Variants in GRAP2 observed in about 807,000 individuals in gnomAD.
GRAP2 encodes the protein GRB2 related adaptor protein 2, also known as GRB2-related adapter protein 2.
A neutral mutation model predicts 43.5 loss-of-function variants in GRAP2; 31 were observed. The ratio of observed to expected loss-of-function variants is 0.71; its 90% CI spans 0.54 to 0.96. The LOEUF (loss-of-function observed/expected upper bound fraction) is 0.96. Among genes scored for constraint, GRAP2 ranks in the 40% least tolerant of loss-of-function variants. The probability of loss-of-function intolerance (pLI) is 0.00; values close to 1 mark genes in which losing one functional copy is unlikely to be tolerated. For missense variants in GRAP2, 371 were observed against 424.4 expected, an observed-to-expected ratio of 0.87 and a Z score of 1.11; for synonymous variants, 156 against 164.8, an observed-to-expected ratio of 0.95 and a Z score of 0.41.
intron 1 of GRAP2, among the ~76,000 whole-genome samples, chr22:39,946,601 C>T (rs2066924704): frequency 6.6e-6 from 1 of 152,210 alleles, no homozygotes; most frequent in African/African-American, 2.4e-5. Flanking sequence ...CTGGCCAATG[C>T]TGTCTAATTC....
intron 3 of GRAP2, among the ~76,000 whole-genome samples, chr22:39,959,065 T>TATG (rs2067088552): frequency 6.6e-6 from 1 of 152,226 alleles, no homozygotes; most frequent in Admixed American, 6.5e-5. Flanking sequence ...GGAACATGCG[T>TATG]ATGAGCCTTC....
At chr22:39,969,849 G>A (rs1254522325) in intron 7 of GRAP2, among the ~76,000 whole-genome samples, 1 of 152,184 alleles carries the variant, frequency 6.6e-6, no homozygotes, top group African/African-American at 2.4e-5. Flanking sequence ...AGGAGGCAGA[G>A]GTTGCAGTGA....
intron 2 of GRAP2, among the ~76,000 whole-genome samples, chr22:39,951,045 G>T (rs746297901): frequency 1.3e-5 from 2 of 152,222 alleles, no homozygotes; most frequent in African/African-American, 2.4e-5. Flanking sequence ...CAGACCATCA[G>T]TTTCCTGGGG....
At position 39,968,220 on chromosome 22, in the gene GRAP2, A is replaced by G. The variant is rs751579805; in HGVS notation, c.638A>G (p.Gln213Arg). Residue 213 changes from glutamine (Q) to arginine (R), a missense_variant, in exon 6 of 8, where the codon CAG becomes CGG. Gln to Arg is a conservative substitution (Grantham distance 43, BLOSUM62 1). Coordinates refer to ENST00000344138, the MANE Select transcript of GRAP2 (RefSeq NM_004810.4). ...CCGCAATATGCCCCAGCGCCCCAGCAGCTGCAGCAGCCCCCACAGCAGCGA... is the reference window on the plus strand; with the variant it reads ...CCGCAATATGCCCCAGCGCCCCAGCGGCTGCAGCAGCCCCCACAGCAGCGA... ...QPPQYAPAPQQLQQPPQQRYL... is the reference protein window; with the variant it reads ...QPPQYAPAPQRLQQPPQQRYL... 1 of 1,601,460 alleles carries G rather than the reference A, an allele frequency of 6.2e-7. No homozygotes were observed. Among genetic ancestry groups the G allele is most frequent in the Non-Finnish European group, 8.6e-7 (1 of 1,168,684 alleles).
At chr22:39,957,908 C>G (rs2067074992) in intron 3 of GRAP2, among the ~76,000 whole-genome samples, 1 of 151,906 alleles carries the variant, frequency 6.6e-6, no homozygotes, top group Non-Finnish European at 1.5e-5. Context: ...TGCACTCCAG[C>G]CTGGGCAGCA....
Position 39,973,716 on chromosome 22 carries a change from G to A in GRAP2, c.*2632G>A, listed in dbSNP as rs1259095454. ...CCCCTCAGCCTCTGGTGCTGCCAGG[G>A]GGAGCCCCTCCGCATGTGTCCCCAC... On this transcript the variant is annotated 3_prime_UTR_variant, in exon 8 of 8. Transcript: ENST00000344138. The A allele has an allele frequency of 1.3e-5, 2 of 152,258 alleles. No individual in the cohort carries two copies. The highest frequency in any genetic ancestry group is 2.4e-5 in the African/African-American group (1 of 41,438). The allele number at this position is 152,258 out of a possible 1,614,324, so 9.4% of individuals were successfully genotyped here.
intron 4 of GRAP2, among the ~76,000 whole-genome samples, chr22:39,962,437 T>A (rs1371056477): frequency 6.6e-6 from 1 of 151,764 alleles, no homozygotes; most frequent in African/African-American, 2.4e-5. Context: ...GAGAAAAAAA[T>A]TATTTACATA....
intron 6 of GRAP2, 58 bp from the exon 7 acceptor site, chr22:39,969,353 G>C: frequency 6.2e-7 from 1 of 1,603,088 alleles, no homozygotes; most frequent in Non-Finnish European, 8.5e-7. Flanking sequence ...GGCACTGGGG[G>C]AACCGGTGGG....
At chr22:39,949,753 C>G (rs1431527371) in intron 2 of GRAP2, among the ~76,000 whole-genome samples, 1 of 152,134 alleles carries the variant, frequency 6.6e-6, no homozygotes, top group Non-Finnish European at 1.5e-5. Flanking sequence ...ATGACCCTGT[C>G]CCAACGTAGA....
chr22:39,969,034 C>A (rs2067209200), intron 6 of GRAP2, among the ~76,000 whole-genome samples: 1 of 152,176 alleles, frequency 6.6e-6, no homozygotes, highest in African/African-American at 2.4e-5. Flanking sequence ...ATTTCCCGGG[C>A]AGATACAGAC....
At chr22:39,963,292 A>C (rs1400420097) in intron 4 of GRAP2, among the ~76,000 whole-genome samples, 1 of 152,174 alleles carries the variant, frequency 6.6e-6, no homozygotes, top group African/African-American at 2.4e-5. Flanking sequence ...GTTCCTCTTC[A>C]GGCTTGAGAC....
upstream of GRAP2, chr22:39,901,039 C>T (rs566463001): frequency 2.3e-5 from 7 of 306,872 alleles, no homozygotes; most frequent in Admixed American, 2.2e-4. Flanking sequence ...TCACGCCCAA[C>T]TCTCCGAAGC....
At chr22:39,925,370 A>G (rs1468661694) in intron 1 of GRAP2, among the ~76,000 whole-genome samples, 2 of 152,142 alleles carry the variant, frequency 1.3e-5, no homozygotes, top group East Asian at 3.8e-4. Context: ...CTGTCTCTGC[A>G]CTGTAAGACA....
chr22:39,968,108 G>C lies in GRAP2; in HGVS notation c.526G>C (p.Glu176Gln). Reference sequence around the variant, plus strand: ...CCCACACCTCAGTGGGGCTGTGGGAGAAGAAATCCGACCTTCGATGAACCG... The same window carrying C: ...CCCACACCTCAGTGGGGCTGTGGGACAAGAAATCCGACCTTCGATGAACCG... ...GGPHLSGAVG[E>Q]EIRPSMNRKL... The change falls in exon 6 of 8, where the codon GAA becomes CAA. Residue 176 changes from glutamate to glutamine, a missense_variant. By Grantham distance (29) the Glu-to-Gln change is conservative (BLOSUM62 2). Transcript: ENST00000344138. 2 of 1,610,566 alleles carry C rather than the reference G, an allele frequency of 1.2e-6. No individual in the cohort carries two copies.
intron 1 of GRAP2, among the ~76,000 whole-genome samples, chr22:39,931,747 A>G (rs2066757461): frequency 2.0e-5 from 3 of 152,254 alleles, no homozygotes; most frequent in South Asian, 2.1e-4. Flanking sequence ...TATGTAAGAG[A>G]GTTTAGAAGA....
At chr22:39,923,005 G>A (rs1033760042) in intron 1 of GRAP2, among the ~76,000 whole-genome samples, 10 of 150,332 alleles carry the variant, frequency 6.7e-5, no homozygotes, top group Non-Finnish European at 7.4e-5. Flanking sequence ...TTGCTCCACT[G>A]TACTCCAGCC....
At chr22:39,943,006 C>T (rs944122408) in intron 1 of GRAP2, among the ~76,000 whole-genome samples, 2 of 152,180 alleles carry the variant, frequency 1.3e-5, no homozygotes, top group Non-Finnish European at 2.9e-5. Context: ...CCTTCTCTCA[C>T]TGGGTCCTGA....
chr22:39,947,354 G>A, intron 2 of GRAP2, 170 bp downstream of exon 2: 1 of 609,634 alleles, frequency 1.6e-6, no homozygotes. Flanking sequence ...GCCGGGTGAT[G>A]GAAATACAGT....
At chr22:39,937,373 G>T (rs2066817172) in intron 1 of GRAP2, among the ~76,000 whole-genome samples, 1 of 152,152 alleles carries the variant, frequency 6.6e-6, no homozygotes, top group South Asian at 2.1e-4. Context: ...CTTGGTTAGT[G>T]CTGTCTTCTC....
Sources: gnomAD v4.1 joint callset for allele counts (sites outside exome capture counted in the v4.1 genomes callset) on GRCh38, gnomAD v4.1.1 for gene constraint, MANE v1.5 for transcripts, NCBI Gene and HGNC (gene_info 2026-07-23, HGNC 2026-07-21) for gene names.